The following RAB36 variants were observed in gnomAD, a reference collection of about 807,000 sequenced individuals.
RAB36 encodes RAB36, member RAS oncogene family.
A neutral mutation model predicts 39.3 loss-of-function variants in RAB36; 33 were observed. That is an observed-to-expected ratio of 0.84 (90% confidence interval 0.64 to 1.12). The LOEUF is 1.12. Ranked by LOEUF, RAB36 falls within the 50% of genes most tolerant of loss-of-function variation. The probability of loss-of-function intolerance (pLI) is 0.00; values close to 1 mark genes in which losing one functional copy is unlikely to be tolerated. For synonymous variants in RAB36, 133 were observed against 140.2 expected (o/e 0.95, Z 0.36); for missense variants, 308 against 355.3 (o/e 0.87, Z 1.07).
In RAB36 at chr22:23,158,134, C is replaced by T; in HGVS notation, c.446+91C>T. The T allele has an allele frequency of 2.6e-6, 4 of 1,568,004 alleles. No homozygotes were observed. The South Asian group carries it at 3.5e-5, about 14-fold the overall frequency. ...AGACCCTGGCCAGTGGACCCTGACCCCGTGGTGGGTGTGAGTGACCAGGGC... is the reference window on the plus strand; with the variant it reads ...AGACCCTGGCCAGTGGACCCTGACCTCGTGGTGGGTGTGAGTGACCAGGGC... On this transcript the variant is annotated intron_variant, in intron 7 of 10. Transcript: ENST00000263116.
At chr22:23,154,568 C>T (rs746374985) in intron 5 of RAB36, among the ~76,000 whole-genome samples, 4 of 152,150 alleles carry the variant, frequency 2.6e-5, no homozygotes, top group African/African-American at 9.7e-5. Context: ...GAGGTGGAGC[C>T]GGGAAAGACT....
chr22:23,145,855 C>A, intron 1 of RAB36: 1 of 496,110 alleles, frequency 2.0e-6, no homozygotes, highest in Non-Finnish European at 2.6e-6. Context: ...GTTGAGGAGG[C>A]TCGAGGAGTC....
At position 23,149,947 on chromosome 22, in the gene RAB36, C is replaced by T. The variant is rs1437152483; in HGVS notation, c.70-116C>T. The T allele has an allele frequency of 1.0e-5, 8 of 792,752 alleles. No homozygotes were observed. The East Asian group carries it at 2.2e-4, about 21-fold the overall frequency. The allele number at this position is 792,752 out of a possible 1,614,324, so 49.1% of individuals were successfully genotyped here. On this transcript the variant is annotated intron_variant, in intron 2 of 10. Transcript: ENST00000263116. ...GGGTCAGGGAAAGCTAATGAGGCTG[C>T]CAGCTGTGAGGCCTAGGAAGGAAGG...
In RAB36 at chr22:23,161,526, C is replaced by G. The variant is rs1233087346; in HGVS notation, c.766C>G (p.Gln256Glu). The change falls in exon 11 of 11, where the codon CAG becomes GAG. Residue 256 changes from glutamine to glutamate, a missense_variant. By Grantham distance (29) the Gln-to-Glu change is conservative. Coordinates refer to ENST00000263116, the MANE Select transcript of RAB36 (RefSeq NM_004914.5). ...AATGGAAGGGAGTCCGCCCGAGACC[C>G]AGGAGAGCAAGAGGCCCTCCAGCCT... ...IQMEGSPPET[Q>E]ESKRPSSLGC... is the part of the protein sequence containing the mutation. 1 of 1,612,908 alleles carries G rather than the reference C, an allele frequency of 6.2e-7. No individual in the cohort carries two copies. The highest frequency in any genetic ancestry group is 2.2e-5 in the East Asian group (1 of 44,890).
Position 23,145,507 on chromosome 22 carries a change from G to T in RAB36, c.-57G>T. 1 of 1,605,976 alleles carries T rather than the reference G, an allele frequency of 6.2e-7. No homozygotes were observed. On this transcript the variant is annotated 5_prime_UTR_variant, in exon 1 of 11. The change creates a new upstream start codon in the 5' untranslated region. Coordinates refer to ENST00000263116, the MANE Select transcript of RAB36 (RefSeq NM_004914.5). ...CATGGTGATCGCCGCCGCTGGCTCAGGCGGACCAGGCCGCGCGGAGCCCCA... is the reference window on the plus strand; with the variant it reads ...CATGGTGATCGCCGCCGCTGGCTCATGCGGACCAGGCCGCGCGGAGCCCCA...
rs1287349433 is a variant in RAB36 at position 23,161,629 on chromosome 22, G to A, written c.*65G>A. 7.1e-7 allele frequency: 1 copy of A among 1,404,974 alleles called. No individual in the cohort carries two copies. The highest frequency in any genetic ancestry group is 1.4e-5 in the African/African-American group (1 of 70,714). 87.0% of individuals were successfully genotyped at this position (1,404,974 alleles called of 1,614,324 possible). On this transcript the variant is annotated 3_prime_UTR_variant, in exon 11 of 11. Transcript: ENST00000263116. ...ACGGACAGGAATTTCCGTGACTGTG[G>A]TGTGGAGACTGGAGCCCAAGCTCTG...
rs969162652 is a variant in RAB36, at chr22:23,158,923, G to T, written c.472G>T (p.Glu158Ter). The change falls in exon 8 of 11, where the codon GAG becomes TAG. Residue 158 changes from glutamate to a stop codon, truncating the protein, a stop_gained. Coordinates refer to ENST00000263116, the MANE Select transcript of RAB36 (RefSeq NM_004914.5). LOFTEE classifies it high-confidence loss of function. The part of the protein sequence containing the change: ...TRQWLEDALR[E>*]NEAGSCFIFL... The stretch of plus-strand genomic sequence containing the variant: ...GCAGTGGTTGGAGGATGCTCTGAGG[G>T]AGAACGAGGCAGGCTCCTGCTTCAT... 6.8e-6 allele frequency: 11 copies of T among 1,614,192 alleles called. No individual in the cohort carries two copies. The highest frequency in any genetic ancestry group is 1.6e-4 in the Middle Eastern group (1 of 6,062).
intron 6 of RAB36, 182 bp downstream of exon 6, chr22:23,156,214 G>A: frequency 1.8e-6 from 1 of 571,324 alleles, no homozygotes; most frequent in Non-Finnish European, 3.1e-6. Context: ...GGCACTGGCT[G>A]ACTTTGGCGA....
At chr22:23,158,487 T>C (rs2071586478) in intron 7 of RAB36, among the ~76,000 whole-genome samples, 1 of 152,236 alleles carries the variant, frequency 6.6e-6, no homozygotes, top group Admixed American at 6.5e-5. Flanking sequence ...GAGGCTATCC[T>C]ACTTCTGCTG....
intron 3 of RAB36, among the ~76,000 whole-genome samples, chr22:23,151,634 T>G (rs2071129613): frequency 6.6e-6 from 1 of 152,156 alleles, no homozygotes. Flanking sequence ...GTAGTCCCAG[T>G]TACTCAGGAG....
chr22:23,161,480 T>G lies in RAB36; in HGVS notation c.740-20T>G. 5 of 1,593,876 alleles carry G rather than the reference T, an allele frequency of 3.1e-6. No individual in the cohort carries two copies. The highest frequency in any genetic ancestry group is 4.3e-6 in the Non-Finnish European group (5 of 1,162,376). Reference sequence around the variant, plus strand: ...ACAGGATTCCTGGTTGATGCTAAATTACTTCTCCCCTCCTTACAGAAATGG... The same window carrying G: ...ACAGGATTCCTGGTTGATGCTAAATGACTTCTCCCCTCCTTACAGAAATGG... On this transcript the variant is annotated intron_variant, in intron 10 of 10. Transcript: ENST00000263116.
intron 2 of RAB36, among the ~76,000 whole-genome samples, chr22:23,147,858 G>A (rs1022126248): frequency 5.9e-5 from 9 of 152,236 alleles, no homozygotes; most frequent in East Asian, 3.8e-4. Context: ...AAAGTAAACC[G>A]TTAAGTAAAA....
Position 23,158,893 on chromosome 22 carries a change from T to C in RAB36, c.447-5T>C. 6.2e-7 allele frequency: 1 copy of C among 1,613,720 alleles called. No individual in the cohort carries two copies. ...AATCTCTCAGCCTCTCTCCTTACAC[T>C]CCAGGCAGTGGTTGGAGGATGCTCT... On this transcript the variant is annotated splice_polypyrimidine_tract_variant and splice_region_variant and intron_variant, in intron 7 of 10. Transcript: ENST00000263116.
At chr22:23,153,491 A>G in intron 5 of RAB36, 1 of 881,872 alleles carries the variant, frequency 1.1e-6, no homozygotes, top group Non-Finnish European at 1.4e-6. Flanking sequence ...GGCCTCCCGC[A>G]GGTTGCTGCT....
chr22:23,156,106 C>T (rs2071433041), intron 6 of RAB36, 74 bp downstream of exon 6: 1 of 1,280,072 alleles, frequency 7.8e-7, no homozygotes, highest in African/African-American at 1.5e-5. Context: ...AGTGGGAATC[C>T]CGAGTTCTCT....
At chr22:23,154,239 C>T (rs897947332) in intron 5 of RAB36, among the ~76,000 whole-genome samples, 2 of 152,156 alleles carry the variant, frequency 1.3e-5, no homozygotes, top group Non-Finnish European at 2.9e-5. Context: ...TGGCTAGCCC[C>T]GCCCCCCTCC....
At chr22:23,156,574 C>G (rs1204900127) in intron 6 of RAB36, among the ~76,000 whole-genome samples, 1 of 152,196 alleles carries the variant, frequency 6.6e-6, no homozygotes. Flanking sequence ...CCCACCTTCC[C>G]AGGAAGAAGA....
intron 8 of RAB36, 66 bp from the exon 9 acceptor site, chr22:23,159,097 C>A: frequency 1.3e-6 from 2 of 1,591,114 alleles, no homozygotes; most frequent in Non-Finnish European, 1.7e-6. Flanking sequence ...CAGGCAGCTG[C>A]CTATCCCCCT....
In RAB36 at chr22:23,152,493, A is replaced by G. The variant is rs757866653; in HGVS notation, c.194A>G (p.Asp65Gly). 4 of 1,614,064 alleles carry G rather than the reference A, an allele frequency of 2.5e-6. No homozygotes were observed. Among genetic ancestry groups the G allele is most frequent in the Non-Finnish European group, 3.4e-6 (4 of 1,180,010 alleles). ...CTCTCCAAGGTGGTGGTGGTTGGCG[A>G]TCTCTACGTGGGGAAGACCAGCCTC... is the stretch of plus-strand genomic sequence containing the variant. The part of the protein sequence containing the change: ...LKLSKVVVVG[D>G]LYVGKTSLIH... Residue 65 changes from aspartate (D) to glycine (G), a missense_variant, in exon 4 of 11, where the codon GAT becomes GGT. Transcript: ENST00000263116.
Sources: gnomAD v4.1 joint callset for allele counts (sites outside exome capture counted in the v4.1 genomes callset) on GRCh38, gnomAD v4.1.1 for gene constraint, MANE v1.5 for transcripts, NCBI Gene and HGNC (gene_info 2026-07-23, HGNC 2026-07-21) for gene names.